LYRM4: variants seen among roughly 807,000 people sequenced by gnomAD.
LYRM4 encodes the protein LYR motif-containing protein 4.
Under a neutral mutation model 11.7 loss-of-function variants are expected in LYRM4, and 9 were observed. That is an observed-to-expected ratio of 0.77 (90% CI 0.46 to 1.34). The LOEUF is 1.34. Ranked by LOEUF, LYRM4 falls within the 40% of genes most tolerant of loss-of-function variation. LYRM4 has a pLI of 0.00. For synonymous variants in LYRM4, 42 were observed against 40.4 expected (o/e 1.04, Z -0.15); for missense variants, 133 against 112.5 (o/e 1.18, Z -0.82).
the LYRM4 span, chr6:5,087,362 C>G: frequency 1.3e-5 from 2 of 152,376 alleles, no homozygotes; most frequent in African/African-American, 4.8e-5. Flanking sequence ...GTTCCTTCCT[C>G]TCTACTGCGA....
rs1758073529 is a variant in LYRM4, at chr6:5,151,267, T to C, written c.208-41776A>G. ...CCCAGCTAATTTTTTGTATTTTTAG[T>C]AGAGACGGGTTTTCACCATGTTGGC... On this transcript the variant is annotated intron_variant, in intron 2 of 2. Transcript: ENST00000330636. Among the ~76,000 whole-genome samples the C allele has an allele frequency of 2.0e-5, 3 of 152,170 alleles. No individual in the cohort carries two copies. The South Asian group carries it at 6.2e-4, about 32-fold the overall frequency.
At chr6:5,064,985 A>G in the LYRM4 span, among the ~76,000 whole-genome samples, 2 of 152,202 alleles carry the variant, frequency 1.3e-5, no homozygotes, top group Non-Finnish European at 2.9e-5. Context: ...ACAGTGTCAT[A>G]CAGAATAGTT....
At chr6:5,116,172 A>G (rs938070753) in intron 2 of LYRM4, among the ~76,000 whole-genome samples, 2 of 152,260 alleles carry the variant, frequency 1.3e-5, no homozygotes, top group African/African-American at 4.8e-5. Flanking sequence ...ATGGTAAGCC[A>G]CAAGTGGAAA....
At chr6:5,216,493 G>C (rs1036500780) in intron 2 of LYRM4, 125 bp downstream of exon 2, 4 of 1,092,626 alleles carry the variant, frequency 3.7e-6, no homozygotes, top group Non-Finnish European at 5.4e-6. Flanking sequence ...ATTAGTACAA[G>C]GAACAGAGTT....
chr6:5,087,788 G>A, the LYRM4 span: 1 of 152,400 alleles, frequency 6.6e-6, no homozygotes, highest in Non-Finnish European at 1.5e-5. Context: ...GCTGGCTGTG[G>A]ATGCCAGGAT....
At chr6:5,128,232 G>T (rs190848687) in intron 2 of LYRM4, among the ~76,000 whole-genome samples, 2 of 152,304 alleles carry the variant, frequency 1.3e-5, no homozygotes, top group Non-Finnish European at 2.9e-5. Context: ...TGTCTGCAGA[G>T]AAATATTTTA....
At chr6:5,138,589 T>C (rs1395766417) in intron 2 of LYRM4, 2 of 549,326 alleles carry the variant, frequency 3.6e-6, no homozygotes, top group South Asian at 5.0e-5. Flanking sequence ...TTTTTATGAA[T>C]GATTTCCAGA....
chr6:5,201,725 T>A (rs1761404755), intron 2 of LYRM4, among the ~76,000 whole-genome samples: 1 of 152,188 alleles, frequency 6.6e-6, no homozygotes, highest in Admixed American at 6.5e-5. Context: ...GCACTCTGAC[T>A]TTCAGCAAGT....
intron 2 of LYRM4, among the ~76,000 whole-genome samples, chr6:5,146,196 G>A (rs1028442749): frequency 7.9e-5 from 12 of 152,130 alleles, no homozygotes; most frequent in African/African-American, 2.9e-4. Flanking sequence ...TTAGTAGCAT[G>A]TTTCCCGTAT....
At chr6:5,057,501 G>C in the LYRM4 span, among the ~76,000 whole-genome samples, 1 of 152,090 alleles carries the variant, frequency 6.6e-6, no homozygotes, top group African/African-American at 2.4e-5. Context: ...CAGATTACTT[G>C]AGGTCAGGAG....
intron 1 of LYRM4, among the ~76,000 whole-genome samples, chr6:5,243,189 T>C (rs1763988581): frequency 6.6e-6 from 1 of 152,230 alleles, no homozygotes; most frequent in African/African-American, 2.4e-5. Context: ...GTCCCATTTG[T>C]TTTGCCTGTA....
At chr6:5,043,547 C>T in the LYRM4 span, 1 of 152,122 alleles carries the variant, frequency 6.6e-6, no homozygotes, top group African/African-American at 2.4e-5. Context: ...AATGTATTGA[C>T]CATGTTTCTG....
At chr6:5,115,144 A>C (rs558687634) in intron 2 of LYRM4, among the ~76,000 whole-genome samples, 3 of 152,350 alleles carry the variant, frequency 2.0e-5, no homozygotes, top group African/African-American at 7.2e-5. Flanking sequence ...GACTGTTTCC[A>C]CTTAATGCTA....
intron 2 of LYRM4, among the ~76,000 whole-genome samples, chr6:5,159,201 G>C (rs1758603560): frequency 6.6e-6 from 1 of 152,228 alleles, no homozygotes; most frequent in Non-Finnish European, 1.5e-5. Context: ...TGGGGTCCTG[G>C]CAGGGGGGTG....
At chr6:5,236,471 A>T (rs1175137253) in intron 1 of LYRM4, 2 of 152,126 alleles carry the variant, frequency 1.3e-5, no homozygotes, top group African/African-American at 4.8e-5. Context: ...TCTAAAAAAA[A>T]AGGAAAAAAA....
At chr6:5,096,780 G>A in the LYRM4 span, among the ~76,000 whole-genome samples, 28 of 152,212 alleles carry the variant, frequency 1.8e-4, no homozygotes, top group East Asian at 5.8e-4. Flanking sequence ...CAAGCAAGCC[G>A]TTGGTCTCAA....
intron 2 of LYRM4, among the ~76,000 whole-genome samples, chr6:5,145,612 G>A (rs549246736): frequency 1.8e-4 from 27 of 152,216 alleles, no homozygotes; most frequent in African/African-American, 5.8e-4. Context: ...GCCTTATGAG[G>A]AAAAAACATC....
At chr6:5,097,582 C>T in the LYRM4 span, among the ~76,000 whole-genome samples, 13 of 152,190 alleles carry the variant, frequency 8.5e-5, no homozygotes, top group African/African-American at 2.9e-4. Context: ...AATTCCTGAG[C>T]TCAAGGAATC....
At chr6:5,075,680 G>A in the LYRM4 span, among the ~76,000 whole-genome samples, 1 of 152,212 alleles carries the variant, frequency 6.6e-6, no homozygotes, top group African/African-American at 2.4e-5. Flanking sequence ...ATGCTGTAAT[G>A]AATCCAAATG....
Sources: allele counts gnomAD v4.1 joint callset (sites outside exome capture counted in the v4.1 genomes callset), GRCh38; gene constraint gnomAD v4.1.1; transcripts MANE v1.5; gene names NCBI Gene and HGNC (gene_info 2026-07-23, HGNC 2026-07-21).